DNAH5: variants seen among roughly 807,000 people sequenced by gnomAD.
The protein encoded by DNAH5 is dynein axonemal heavy chain 5.
A neutral mutation model predicts 518.2 loss-of-function variants in DNAH5; 372 were observed. The observed-to-expected ratio is 0.72, with a 90% CI of 0.66 to 0.78. DNAH5 has a LOEUF of 0.78. Ranked by LOEUF, DNAH5 falls within the 30% of genes least tolerant of loss-of-function variation. DNAH5 has a pLI of 0.00. For synonymous variants in DNAH5, 2,039 were observed against 2,025.9 expected (o/e 1.01, Z -0.17); for missense variants, 5,523 against 5,687.0 (o/e 0.97, Z 0.93).
chr5:13,768,241 T>C (rs1436761977), intron 58 of DNAH5, among the ~76,000 whole-genome samples: 1 of 152,066 alleles, frequency 6.6e-6, no homozygotes, highest in Non-Finnish European at 1.5e-5. Flanking sequence ...CCCATGCTGT[T>C]CTCATGATGG....
chr5:13,865,098 G>C (rs549881807), intron 27 of DNAH5, among the ~76,000 whole-genome samples: 14 of 149,084 alleles, frequency 9.4e-5, no homozygotes, highest in African/African-American at 3.2e-4. Context: ...GGGTTCAAGC[G>C]ATTCTCCTGC....
intron 29 of DNAH5, among the ~76,000 whole-genome samples, chr5:13,861,127 C>A (rs1768356881): frequency 6.6e-6 from 1 of 152,070 alleles, no homozygotes; most frequent in African/African-American, 2.4e-5. Context: ...GATTAGATGC[C>A]ATTGAAAAGA....
rs139545976 is a variant in DNAH5, at chr5:13,749,985, T to A, written c.11211+1093A>T. On this transcript the variant is annotated intron_variant, in intron 65 of 78. Transcript: ENST00000265104. ...CAACCATGCGATTTATGAAGCTGGA[T>A]TAAATGCTCCTAATGCAGCTTCCAA... Among the ~76,000 whole-genome samples, 435 of 152,244 alleles carry A rather than the reference T, an allele frequency of 2.9e-3. 1 individual carries two copies. The highest frequency in any genetic ancestry group is 0.01 in the African/African-American group (425 of 41,556).
At chr5:13,987,717 G>A (rs1464584892) in intron 1 of DNAH5, among the ~76,000 whole-genome samples, 1 of 151,876 alleles carries the variant, frequency 6.6e-6, no homozygotes, top group Non-Finnish European at 1.5e-5. Flanking sequence ...AGCCAGGCAT[G>A]GTGGCGCACG....
chr5:13,880,015 T>C (rs997729562), intron 21 of DNAH5, among the ~76,000 whole-genome samples: 1 of 152,078 alleles, frequency 6.6e-6, no homozygotes, highest in Non-Finnish European at 1.5e-5. Context: ...TATAATCAAA[T>C]TGTCAATAGC....
At chr5:13,813,269 T>C (rs1050357629) in intron 43 of DNAH5, among the ~76,000 whole-genome samples, 5 of 152,236 alleles carry the variant, frequency 3.3e-5, no homozygotes, top group Admixed American at 1.3e-4. Flanking sequence ...CAAAAGCTTA[T>C]TTTATAAATA....
chr5:13,959,700 G>A (rs1781022029), intron 1 of DNAH5, among the ~76,000 whole-genome samples: 2 of 152,204 alleles, frequency 1.3e-5, no homozygotes, highest in Non-Finnish European at 2.9e-5. Flanking sequence ...GGGTGTGGTG[G>A]CTCACACCTG....
chr5:13,933,574 T>G (rs983752872), intron 1 of DNAH5, among the ~76,000 whole-genome samples: 2 of 152,048 alleles, frequency 1.3e-5, no homozygotes, highest in African/African-American at 4.8e-5. Flanking sequence ...GTGGATCACC[T>G]GAGGTCAGGA....
chr5:13,914,084 T>G (rs12652241), intron 10 of DNAH5, 126 bp from the exon 11 acceptor site: 18 of 1,171,674 alleles, frequency 1.5e-5, no homozygotes, highest in Non-Finnish European at 2.1e-5. Flanking sequence ...ATGCCTTTGC[T>G]TGTACTCACT....
At chr5:13,853,321 T>A (rs755685047) in intron 30 of DNAH5, among the ~76,000 whole-genome samples, 20 of 152,006 alleles carry the variant, frequency 1.3e-4, no homozygotes, top group Non-Finnish European at 1.5e-4. Flanking sequence ...AGCAATAGCA[T>A]CACCATCAAC....
chr5:13,758,590 A>G (rs949529805), intron 61 of DNAH5, among the ~76,000 whole-genome samples: 23 of 152,230 alleles, frequency 1.5e-4, no homozygotes, highest in Admixed American at 1.4e-3. Flanking sequence ...TTTGAAAAAC[A>G]TAACAAAAAT....
intron 3 of DNAH5, among the ~76,000 whole-genome samples, chr5:13,927,868 G>C (rs1778042540): frequency 6.6e-6 from 1 of 152,124 alleles, no homozygotes; most frequent in South Asian, 2.1e-4. Flanking sequence ...GAACAACCAG[G>C]CTAAATACCA....
intron 23 of DNAH5, 75 bp from the exon 24 acceptor site, chr5:13,871,077 T>C (rs1013618323): frequency 1.8e-6 from 2 of 1,099,964 alleles, no homozygotes; most frequent in Non-Finnish European, 2.7e-6. Context: ...GTCGCTGTTC[T>C]CCAGTAGTAA....
At chr5:13,746,908 C>CT (rs1338454907) in intron 65 of DNAH5, among the ~76,000 whole-genome samples, 12 of 151,674 alleles carry the variant, frequency 7.9e-5, no homozygotes, top group African/African-American at 2.9e-4. Flanking sequence ...TTTTATTATA[C>CT]TTTAAGTTCT....
At chr5:13,856,344 C>T (rs1171485032) in intron 30 of DNAH5, among the ~76,000 whole-genome samples, 4 of 152,132 alleles carry the variant, frequency 2.6e-5, no homozygotes, top group Non-Finnish European at 5.9e-5. Context: ...GAAATACAAA[C>T]TGCCATCAGA....
Position 13,717,454 on chromosome 5 carries a change from G to A in DNAH5, c.12566C>T (p.Ala4189Val), listed in dbSNP as rs138788207. The change falls in exon 73 of 79, where the codon GCT (alanine) becomes GTT (valine). Residue 4189 changes from alanine (A) to valine (V), a missense_variant. Physicochemically the swap from Ala to Val is moderately conservative, Grantham distance 64. Around this residue, in one of 3 missense-constraint regions of DNAH5, gnomAD observed 5,121 missense variants for 5,223.3 expected, o/e 0.98. Coordinates refer to ENST00000265104, the MANE Select transcript of DNAH5 (RefSeq NM_001369.3). ...CTCCTGGACAGTGGAGTGCAGGAAA[G>A]CCACTGCGTACAGCATGGGCTTCCA... is the stretch of plus-strand genomic sequence containing the variant. Reference protein sequence around the residue: ...SQWKPMLYAVAFLHSTVQERR... With the variant: ...SQWKPMLYAVVFLHSTVQERR... The A allele has an allele frequency of 3.4e-5, 55 of 1,614,068 alleles. No individual in the cohort carries two copies. The highest frequency in any genetic ancestry group is 4.2e-5 in the Non-Finnish European group (50 of 1,180,030).
chr5:13,766,713 C>G (rs189362048), intron 58 of DNAH5, among the ~76,000 whole-genome samples: 6 of 152,078 alleles, frequency 3.9e-5, no homozygotes, highest in African/African-American at 1.4e-4. Flanking sequence ...GGGACTTGAG[C>G]AATAAGAATT....
intron 74 of DNAH5, among the ~76,000 whole-genome samples, chr5:13,715,419 C>A (rs1744158314): frequency 6.6e-6 from 1 of 152,180 alleles, no homozygotes; most frequent in Non-Finnish European, 1.5e-5. Context: ...CAAATTTATA[C>A]CTTCATGGCC....
At chr5:13,873,852 T>C (rs774591117) in intron 22 of DNAH5, among the ~76,000 whole-genome samples, 7 of 152,172 alleles carry the variant, frequency 4.6e-5, no homozygotes, top group Non-Finnish European at 8.8e-5. Context: ...GTTTTTCCAC[T>C]GCCTTATATT....
Sources: gnomAD v4.1 joint callset for allele counts (sites outside exome capture counted in the v4.1 genomes callset) on GRCh38, gnomAD v4.1.1 for gene constraint, gnomAD v4.1.1 regional missense constraint, MANE v1.5 for transcripts, NCBI Gene and HGNC (gene_info 2026-07-23, HGNC 2026-07-21) for gene names.